The following PDZD2 variants were observed in gnomAD, a reference collection of about 807,000 sequenced individuals.
PDZD2 encodes PDZ domain-containing protein 2.
In PDZD2, 90 loss-of-function variants were observed where a neutral mutation model predicts 220.7. That is an observed-to-expected ratio of 0.41 (90% CI 0.34 to 0.49). The LOEUF is 0.49. Among genes scored for constraint, PDZD2 ranks in the 20% least tolerant of loss-of-function variants. The pLI is 0.28. For missense variants in PDZD2, 3,174 were observed against 3,608.5 expected, an observed-to-expected ratio of 0.88 and a Z score of 3.08; for synonymous variants, 1,375 against 1,450.5, an observed-to-expected ratio of 0.95 and a Z score of 1.18.
At chr5:31,720,285 T>G (rs1485993027) in intron 1 of PDZD2, among the ~76,000 whole-genome samples, 1 of 152,214 alleles carries the variant, frequency 6.6e-6, no homozygotes, top group South Asian at 2.1e-4. Context: ...AGGGAACTTC[T>G]GCAAATAGAA....
intron 2 of PDZD2, among the ~76,000 whole-genome samples, chr5:31,966,628 C>A (rs1290550550): frequency 6.6e-6 from 1 of 152,196 alleles, no homozygotes; most frequent in East Asian, 1.9e-4. Context: ...TCTGTAAAGA[C>A]ATGGCTTATC....
At chr5:31,891,494 T>C (rs190635988) in intron 2 of PDZD2, among the ~76,000 whole-genome samples, 4 of 152,210 alleles carry the variant, frequency 2.6e-5, no homozygotes, top group Admixed American at 2.6e-4. Context: ...TTTGTATTTT[T>C]AGTAGAGACG....
intron 2 of PDZD2, among the ~76,000 whole-genome samples, chr5:31,875,457 A>G (rs1441872128): frequency 6.6e-6 from 1 of 151,498 alleles, no homozygotes; most frequent in African/African-American, 2.4e-5. Flanking sequence ...GTGGTCGCTC[A>G]TGCCTGTAAT....
At chr5:32,086,843 AT>A (rs10710224) in intron 19 of PDZD2, among the ~76,000 whole-genome samples, 50,006 of 84,650 alleles carry the variant, frequency 0.59, 14,033 homozygotes, top group Admixed American at 0.63. Flanking sequence ...TGCCCAGCTA[AT>A]TTTTTTTTTT....
intron 6 of PDZD2, among the ~76,000 whole-genome samples, chr5:32,016,431 A>G (rs961984777): frequency 2.6e-5 from 4 of 152,212 alleles, no homozygotes; most frequent in African/African-American, 7.2e-5. Flanking sequence ...ACAAAGAACA[A>G]TGAATACCAA....
At chr5:31,752,077 T>TG (rs1751025484) in intron 1 of PDZD2, among the ~76,000 whole-genome samples, 2 of 118,126 alleles carry the variant, frequency 1.7e-5, no homozygotes, top group African/African-American at 7.2e-5. Flanking sequence ...GGGTTTGTTT[T>TG]TTTTTTTTTT....
chr5:32,090,225 C>T lies in PDZD2; in HGVS notation c.6777C>T (p.Pro2259=), dbSNP rs1224506379. 9 of 1,613,936 alleles carry T rather than the reference C, an allele frequency of 5.6e-6. No homozygotes were observed. The highest frequency in any genetic ancestry group is 3.3e-5 in the South Asian group (3 of 91,076). The change falls in exon 20 of 25, where the codon CCC becomes CCT. Residue 2259 remains proline, a synonymous_variant. Transcript: ENST00000438447. This position sits in a 1 kb window ranked among gnomAD's most constrained non-coding sequence, Gnocchi z 4.3. The stretch of plus-strand genomic sequence containing the variant: ...TCCCTGTGACAAGCAGTGTTGTCCC[C>T]GAGGCAAAGGCATCCAGAGGTGGTC... ...SQVPVTSSVV[P]EAKASRGGLP...
intron 2 of PDZD2, among the ~76,000 whole-genome samples, chr5:31,806,429 T>C (rs918640330): frequency 3.3e-5 from 5 of 152,240 alleles, no homozygotes; most frequent in Admixed American, 2.0e-4. Context: ...TCCTGATTCC[T>C]ACCTTTTCAC....
intron 1 of PDZD2, among the ~76,000 whole-genome samples, chr5:31,750,625 G>A (rs1750898838): frequency 6.6e-6 from 1 of 152,134 alleles, no homozygotes; most frequent in Admixed American, 6.5e-5. Flanking sequence ...AGGTCCGAGT[G>A]GGTGCTGTGA....
At chr5:31,907,161 A>C (rs1173104479) in intron 2 of PDZD2, among the ~76,000 whole-genome samples, 2 of 152,228 alleles carry the variant, frequency 1.3e-5, no homozygotes, top group Non-Finnish European at 2.9e-5. Flanking sequence ...GCAGGGTGCC[A>C]TGATAAAATA....
In PDZD2 at chr5:32,087,728, T is replaced by C. The variant is rs371545839; in HGVS notation, c.4280T>C (p.Ile1427Thr). 10 of 1,613,912 alleles carry C rather than the reference T, an allele frequency of 6.2e-6. No individual in the cohort carries two copies. Among genetic ancestry groups the C allele is most frequent in the Admixed American group, 1.7e-5 (1 of 59,990 alleles). ...GGSRESPVTDIDSFIKELDAS... is the reference protein window; with the variant it reads ...GGSRESPVTDTDSFIKELDAS... ...AGTAGAGAGAGCCCTGTGACGGACA[T>C]TGACAGCTTCATCAAGGAGCTGGAT... is the stretch of plus-strand genomic sequence containing the variant. Residue 1427 changes from isoleucine to threonine, a missense_variant, in exon 20 of 25, where the codon ATT becomes ACT. By Grantham distance (89) the Ile-to-Thr change is moderately conservative. Coordinates refer to ENST00000438447, the MANE Select transcript of PDZD2 (RefSeq NM_178140.4). The surrounding 1 kb of genome is among the most constrained non-coding windows in gnomAD (Gnocchi z 4.0).
Position 31,840,971 on chromosome 5 carries a change from T to A in PDZD2, c.476+41247T>A, listed in dbSNP as rs558271491. The A allele has an allele frequency of 2.5e-4, 112 of 440,474 alleles. 1 individual carries two copies. The highest frequency in any genetic ancestry group is 2.5e-3 in the Middle Eastern group (4 of 1,604). The allele number at this position is 440,474 out of a possible 1,614,324, so 27.3% of individuals were successfully genotyped here. Reference sequence around the variant, plus strand: ...CTCCTCTTTCTCTTTGTGTTTCTCATTTTGGCGAATTACTGGAGGATGGCG... The same window carrying A: ...CTCCTCTTTCTCTTTGTGTTTCTCAATTTGGCGAATTACTGGAGGATGGCG... On this transcript the variant is annotated intron_variant, in intron 2 of 24. Transcript: ENST00000438447.
At chr5:31,850,243 T>TATATATATATATATATATATACAC (rs577432352) in intron 2 of PDZD2, among the ~76,000 whole-genome samples, 2 of 122,232 alleles carry the variant, frequency 1.6e-5, no homozygotes, top group African/African-American at 6.0e-5. Flanking sequence ...TATATATATA[T>TATATATATATATATATATATACAC]ACACACACAC....
intron 6 of PDZD2, among the ~76,000 whole-genome samples, chr5:32,033,392 C>T (rs1048353305): frequency 1.3e-5 from 2 of 152,142 alleles, no homozygotes; most frequent in African/African-American, 4.8e-5. Context: ...AGTTACAAGT[C>T]GTCTAATATC....
At position 32,004,106 on chromosome 5, in the gene PDZD2, T is replaced by TGG. The variant is rs34575153; in HGVS notation, c.1254+3841_1254+3842dup. 4.1e-4 allele frequency among the ~76,000 whole-genome samples: 60 copies of TGG among 146,680 alleles called. 1 individual carries two copies. Among genetic ancestry groups the TGG allele is most frequent in the Middle Eastern group, 3.6e-3 (1 of 274 alleles). ...AACGTAAGATTAAAAAAAAAAAAGG[T>TGG]GGGGGGGCCACTTATGGGTAAAGCA... On this transcript the variant is annotated intron_variant, in intron 5 of 24. Coordinates refer to ENST00000438447, the MANE Select transcript of PDZD2 (RefSeq NM_178140.4).
intron 14 of PDZD2, among the ~76,000 whole-genome samples, chr5:32,066,723 A>G (rs140475188): frequency 0.014 from 2,177 of 152,338 alleles, 20 homozygotes; most frequent in Non-Finnish European, 0.024. Flanking sequence ...TAACAGCATA[A>G]CATGGGTCAT....
At chr5:31,914,660 G>C (rs1743521523) in intron 2 of PDZD2, among the ~76,000 whole-genome samples, 2 of 152,186 alleles carry the variant, frequency 1.3e-5, no homozygotes. Context: ...TGTGAGAAAG[G>C]GTACTCCAAT....
intron 3 of PDZD2, among the ~76,000 whole-genome samples, chr5:31,988,987 G>A (rs557777226): frequency 1.2e-4 from 18 of 152,210 alleles, no homozygotes; most frequent in African/African-American, 3.4e-4. Flanking sequence ...CGAGCCCGAC[G>A]TATTCCAATT....
At chr5:31,643,746 G>A (rs868582688) in intron 1 of PDZD2, among the ~76,000 whole-genome samples, 2 of 152,132 alleles carry the variant, frequency 1.3e-5, no homozygotes, top group South Asian at 2.1e-4. Context: ...TTAGTGAAGC[G>A]GGAAAGAAAA....
Sources: gnomAD v4.1 joint callset for allele counts (sites outside exome capture counted in the v4.1 genomes callset) on GRCh38, gnomAD v4.1.1 for gene constraint, Gnocchi (gnomAD v3.1) non-coding constraint, MANE v1.5 for transcripts, NCBI Gene and HGNC (gene_info 2026-07-23, HGNC 2026-07-21) for gene names.